The following AMELX variants were observed in gnomAD, a reference collection of about 807,000 sequenced individuals.
The protein encoded by AMELX is amelogenin, X isoform.
A neutral mutation model predicts 15.8 loss-of-function variants in AMELX; 9 were observed. That is an observed-to-expected ratio of 0.57 (90% CI 0.34 to 0.99). The LOEUF is 0.99. Among genes scored for constraint, AMELX ranks in the 50% least tolerant of loss-of-function variants. The pLI is 0.02. For synonymous variants in AMELX, 61 were observed against 58.8 expected (o/e 1.04, Z -0.17); for missense variants, 107 against 156.2 (o/e 0.68, Z 1.68).
chrX:11,304,786 T>A (rs1267467047), downstream of AMELX, among the ~76,000 whole-genome samples: 1 of 74,569 alleles, frequency 1.3e-5, no homozygotes, highest in Non-Finnish European at 2.6e-5. Context: ...ACTTTTTTTT[T>A]TTTTTTTTTT....
intron 2 of AMELX, among the ~76,000 whole-genome samples, chrX:11,295,064 G>T (rs2147562231): frequency 1.8e-5 from 2 of 111,992 alleles, no homozygotes; most frequent in South Asian, 7.5e-4. Context: ...CGGGGCCCAG[G>T]ACTCTGCATT....
At chrX:11,307,812 C>T in the AMELX span, among the ~76,000 whole-genome samples, 2 of 111,367 alleles carry the variant, frequency 1.8e-5, no homozygotes, top group African/African-American at 3.3e-5. Flanking sequence ...AAAATGTTCC[C>T]GATAAACAGT....
chrX:11,304,272 T>G (rs964561633), downstream of AMELX, among the ~76,000 whole-genome samples: 2 of 110,277 alleles, frequency 1.8e-5, no homozygotes, highest in African/African-American at 6.6e-5. Context: ...GTATTTTTAG[T>G]AGAAACGGGG....
At chrX:11,295,503 G>GGT (rs1203826439) in intron 2 of AMELX, among the ~76,000 whole-genome samples, 2 of 111,361 alleles carry the variant, frequency 1.8e-5, no homozygotes, top group Admixed American at 1.9e-4. Flanking sequence ...TCTGGACACA[G>GGT]GTGCATAAGG....
Position 11,294,792 on chromosome X carries a change from G to C in AMELX, c.4G>C (p.Gly2Arg). M[G>R]TWILFACLLG... ...TACATTTCAGAACCATCAAGAAATG[G>C]GGACCTGGATTTTATTTGCCTGCCT... The change falls in exon 2 of 6, where the codon GGG (glycine) becomes CGG (arginine). Residue 2 changes from glycine to arginine, a missense_variant. Coordinates refer to ENST00000380714, the MANE Select transcript of AMELX (RefSeq NM_001142.2). The C allele has an allele frequency of 8.3e-7, 1 of 1,211,598 alleles. No homozygotes were observed. Among genetic ancestry groups the C allele is most frequent in the Non-Finnish European group, 1.1e-6 (1 of 895,371 alleles).
intron 3 of AMELX, among the ~76,000 whole-genome samples, chrX:11,297,886 A>C (rs943082404): frequency 8.9e-6 from 1 of 112,560 alleles, no homozygotes; most frequent in African/African-American, 3.2e-5. Flanking sequence ...CAATGAAAAG[A>C]AGGAACTATG....
intron 2 of AMELX, 85 bp downstream of exon 2, chrX:11,294,927 G>GT: frequency 1.0e-6 from 1 of 987,276 alleles, no homozygotes; most frequent in South Asian, 1.9e-5. Context: ...TGAAATTAGG[G>GT]TTTAAAACAG....
Position 11,298,693 on chromosome X carries a change from A to T in AMELX, c.290A>T (p.Gln97Leu). 1.7e-6 allele frequency: 2 copies of T among 1,210,451 alleles called. No individual in the cohort carries two copies. The highest frequency in any genetic ancestry group is 4.4e-5 in the Admixed American group (2 of 45,849). ...VVPAQQPVIP[Q>L]QPMMPVPGQH... is the part of the protein sequence containing the mutation. Reference sequence around the variant, plus strand: ...CCAGCTCAGCAGCCCGTGATCCCCCAGCAACCAATGATGCCCGTTCCTGGC... The same window carrying T: ...CCAGCTCAGCAGCCCGTGATCCCCCTGCAACCAATGATGCCCGTTCCTGGC... Residue 97 changes from glutamine (Q) to leucine (L), a missense_variant, in exon 5 of 6, where the codon CAG becomes CTG. Coordinates refer to ENST00000380714, the MANE Select transcript of AMELX (RefSeq NM_001142.2).
chrX:11,304,714 A>T (rs1219334436), downstream of AMELX, among the ~76,000 whole-genome samples: 3 of 93,039 alleles, frequency 3.2e-5, no homozygotes, highest in African/African-American at 1.3e-4. Context: ...TTCCCTTGTC[A>T]CTCTGGCATT....
the AMELX span, among the ~76,000 whole-genome samples, chrX:11,307,514 G>C: frequency 8.9e-6 from 1 of 112,151 alleles, no homozygotes; most frequent in Admixed American, 9.4e-5. Flanking sequence ...TTGCACAGCT[G>C]CATGCAATAA....
intron 5 of AMELX, among the ~76,000 whole-genome samples, chrX:11,299,497 G>A (rs1321339220): frequency 1.8e-5 from 2 of 111,830 alleles, no homozygotes; most frequent in African/African-American, 6.5e-5. Flanking sequence ...ACTTGGAGGC[G>A]GCTAAACTAA....
At chrX:11,303,310 TA>T (rs1298660542), downstream of AMELX, among the ~76,000 whole-genome samples, 2 of 112,448 alleles carry the variant, frequency 1.8e-5, no homozygotes, top group Non-Finnish European at 3.8e-5. Flanking sequence ...ATTTAGATAT[TA>T]AAAAATACCT....
rs775768556 is a variant in AMELX at position 11,294,851 on chromosome X, A to C, written c.54+9A>C. The C allele has an allele frequency of 2.5e-6, 3 of 1,208,842 alleles. No individual in the cohort carries two copies. The highest frequency in any genetic ancestry group is 4.4e-5 in the Admixed American group (2 of 45,806). ...CAGCTTTTGCCATGCCTGTGAGTAA[A>C]ACACCCCTTGCATAAGTCAGTGTCC... is the stretch of plus-strand genomic sequence containing the variant. On this transcript the variant is annotated intron_variant, in intron 2 of 5. Coordinates refer to ENST00000380714, the MANE Select transcript of AMELX (RefSeq NM_001142.2).
chrX:11,302,713 A>G (rs1163061316), downstream of AMELX, among the ~76,000 whole-genome samples: 1 of 111,398 alleles, frequency 9.0e-6, no homozygotes, highest in African/African-American at 3.3e-5. Context: ...AGTAACTTGA[A>G]ATTTTAAATA....
intron 2 of AMELX, 133 bp from the exon 3 acceptor site, chrX:11,296,646 T>C: frequency 1.3e-6 from 1 of 760,633 alleles, no homozygotes; most frequent in Admixed American, 2.7e-5. Context: ...ACTATATAGA[T>C]TTTTTTAAAG....
Position 11,298,085 on chromosome X carries a change from T to C in AMELX, c.103-151T>C, listed in dbSNP as rs200884777. 1.5e-3 allele frequency: 1,868 copies of C among 1,209,040 alleles called. 3 individuals are homozygous for C. The highest frequency in any genetic ancestry group is 2.0e-3 in the Non-Finnish European group (1,817 of 894,418). On this transcript the variant is annotated intron_variant, in intron 3 of 5. Coordinates refer to ENST00000380714, the MANE Select transcript of AMELX (RefSeq NM_001142.2). Reference sequence around the variant, plus strand: ...AGGAAGCACCCAACAAATTTTTACCTTCTTCTTTCTTTTGTAGAACTCACA... The same window carrying C: ...AGGAAGCACCCAACAAATTTTTACCCTCTTCTTTCTTTTGTAGAACTCACA...
the AMELX span, among the ~76,000 whole-genome samples, chrX:11,307,474 T>C: frequency 8.9e-6 from 1 of 112,007 alleles, no homozygotes. Flanking sequence ...TTCCATAGGG[T>C]CCTGACTAGG....
At chrX:11,296,532 C>G (rs1287019015) in intron 2 of AMELX, among the ~76,000 whole-genome samples, 1 of 111,936 alleles carries the variant, frequency 8.9e-6, no homozygotes, top group African/African-American at 3.3e-5. Context: ...GCTATAACCC[C>G]AGGAACAGTC....
downstream of AMELX, among the ~76,000 whole-genome samples, chrX:11,303,605 C>T (rs1047456271): frequency 7.1e-5 from 8 of 111,967 alleles, no homozygotes; most frequent in East Asian, 1.7e-3. Flanking sequence ...TAAAAATGAA[C>T]GATATTAAAA....
Sources: gnomAD v4.1 joint callset for allele counts (sites outside exome capture counted in the v4.1 genomes callset) on GRCh38, gnomAD v4.1.1 for gene constraint, MANE v1.5 for transcripts, NCBI Gene and HGNC (gene_info 2026-07-23, HGNC 2026-07-21) for gene names.